SYT14: variants seen among roughly 807,000 people sequenced by gnomAD.
SYT14 encodes the protein synaptotagmin 14.
A neutral mutation model predicts 74.2 loss-of-function variants in SYT14; 32 were observed. The observed-to-expected ratio is 0.43, with a 90% CI of 0.33 to 0.58. The LOEUF (loss-of-function observed/expected upper bound fraction) is 0.58, where lower values mean the gene tolerates loss of function less well. SYT14 is among the 20% of genes least tolerant of loss of function. The pLI is 0.05. For missense variants in SYT14, 791 were observed against 981.8 expected (o/e 0.81, Z 2.60); for synonymous variants, 298 against 337.7 (o/e 0.88, Z 1.29).
At chr1:210,115,529 C>T (rs896792233) in intron 7 of SYT14, among the ~76,000 whole-genome samples, 5 of 151,196 alleles carry the variant, frequency 3.3e-5, no homozygotes, top group Admixed American at 1.3e-4. Context: ...TTACCAGCAC[C>T]GGAGTTTTGG....
intron 2 of SYT14, among the ~76,000 whole-genome samples, chr1:210,011,668 C>T (rs1031191334): frequency 5.9e-5 from 9 of 152,072 alleles, no homozygotes; most frequent in African/African-American, 9.7e-5. Context: ...CATCATTGAC[C>T]GGTTGTTGAC....
intron 2 of SYT14, among the ~76,000 whole-genome samples, chr1:210,011,701 A>C (rs1203439834): frequency 6.6e-6 from 1 of 152,230 alleles, no homozygotes; most frequent in Non-Finnish European, 1.5e-5. Flanking sequence ...AAATGAGTTA[A>C]GATACTATTT....
intron 5 of SYT14, among the ~76,000 whole-genome samples, chr1:210,087,845 C>T (rs754413541): frequency 7.2e-5 from 11 of 152,202 alleles, no homozygotes; most frequent in Non-Finnish European, 1.5e-4. Flanking sequence ...CTGTGGCTTC[C>T]TTTGCCACCA....
exon 10 of SYT14, chr1:210,170,763 A>G (rs2083516195): frequency 6.6e-6 from 1 of 152,170 alleles, no homozygotes; most frequent in South Asian, 2.1e-4. Context: ...GGATATATGT[A>G]CATGTTATTT....
At chr1:210,059,427 AATATATAT>A (rs374307953) in intron 5 of SYT14, among the ~76,000 whole-genome samples, 40 of 80,032 alleles carry the variant, frequency 5.0e-4, no homozygotes, top group South Asian at 1.9e-3. Flanking sequence ...GACAAGAAAG[AATATATAT>A]ATATATATAT....
At chr1:210,073,699 G>GT (rs996037709) in intron 5 of SYT14, among the ~76,000 whole-genome samples, 49 of 149,134 alleles carry the variant, frequency 3.3e-4, no homozygotes, top group Admixed American at 6.7e-4. Context: ...TTTTGTTTTT[G>GT]TTTTTTTTTG....
At chr1:210,022,273 C>T (rs968955442) in intron 5 of SYT14, among the ~76,000 whole-genome samples, 3 of 152,106 alleles carry the variant, frequency 2.0e-5, no homozygotes, top group Non-Finnish European at 1.5e-5. Context: ...ATTAGTGCAC[C>T]TCAATTCTTA....
intron 5 of SYT14, among the ~76,000 whole-genome samples, chr1:210,021,504 A>G (rs2080302806): frequency 6.6e-6 from 1 of 152,252 alleles, no homozygotes; most frequent in Non-Finnish European, 1.5e-5. Context: ...CTTATTTCAC[A>G]GTGAACATAT....
At chr1:210,140,230 A>C (rs2082886509) in intron 7 of SYT14, among the ~76,000 whole-genome samples, 1 of 152,138 alleles carries the variant, frequency 6.6e-6, no homozygotes. Flanking sequence ...GCATCTTTTC[A>C]TGTGCTTATT....
rs148747623 is a variant in SYT14 at position 209,948,693 on chromosome 1, T to G, written c.-533-4016T>G. On this transcript the variant is annotated intron_variant, in intron 1 of 9. Transcript: ENST00000637265. ...TACATTAAATATAATGTTCTATTTT[T>G]TTTTCTGACAATTAACTAGTGACCT... Among the ~76,000 whole-genome samples, 427 of 152,332 alleles carry G rather than the reference T, an allele frequency of 2.8e-3. 6 individuals carry two copies. Among genetic ancestry groups the G allele is most frequent in the African/African-American group, 9.9e-3 (412 of 41,580 alleles).
intron 7 of SYT14, 26 bp downstream of exon 6, chr1:210,100,487 A>G (rs1229113906): frequency 1.3e-6 from 2 of 1,598,900 alleles, no homozygotes; most frequent in Admixed American, 1.7e-5. Flanking sequence ...AATGGCCTGA[A>G]TACAGTTTAT....
intron 9 of SYT14, among the ~76,000 whole-genome samples, chr1:210,159,768 A>G (rs1169882891): frequency 6.6e-6 from 1 of 152,132 alleles, no homozygotes; most frequent in Non-Finnish European, 1.5e-5. Flanking sequence ...AAATATTGCA[A>G]TTTTCTTTAA....
In SYT14 at chr1:210,016,753, T is replaced by C. The variant is rs559127237; in HGVS notation, c.750T>C (p.His250=). The change falls in exon 4 of 10, where the codon CAT becomes CAC. Residue 250 remains histidine, a synonymous_variant. Coordinates refer to ENST00000637265, the Ensembl canonical transcript of SYT14. ...TGGGGCATTTCAATAAATGTAAACA[T>C]CTTCCCGATTTAGGGCATTCAGATC... The C allele has an allele frequency of 1.6e-4, 201 of 1,231,852 alleles. 2 individuals are homozygous for C. In the South Asian group the frequency reaches 7.6e-3, roughly 46 times the overall value. The allele number at this position is 1,231,852 out of a possible 1,614,324, so 76.3% of individuals were successfully genotyped here.
intron 5 of SYT14, among the ~76,000 whole-genome samples, chr1:210,053,260 A>G (rs770326758): frequency 5.3e-5 from 8 of 152,228 alleles, no homozygotes; most frequent in Non-Finnish European, 1.0e-4. Context: ...TGCTATGCAC[A>G]GAGATAGAAA....
chr1:210,075,057 G>T (rs1392189818), intron 5 of SYT14, among the ~76,000 whole-genome samples: 1 of 152,300 alleles, frequency 6.6e-6, no homozygotes, highest in Non-Finnish European at 1.5e-5. Flanking sequence ...CAGCAGATGG[G>T]ATAGCCAGAA....
At chr1:209,973,897 G>A (rs528856805) in intron 2 of SYT14, among the ~76,000 whole-genome samples, 11 of 152,204 alleles carry the variant, frequency 7.2e-5, no homozygotes, top group Middle Eastern at 3.4e-3. Flanking sequence ...TTTAATGATC[G>A]CCATTCTAAC....
chr1:210,030,172 C>T (rs1295951435), intron 5 of SYT14, among the ~76,000 whole-genome samples: 1 of 150,936 alleles, frequency 6.6e-6, no homozygotes, highest in Non-Finnish European at 1.5e-5. Context: ...AATGGAGTCT[C>T]GCTCTATTGC....
chr1:210,065,789 A>G (rs1434377499), intron 5 of SYT14, among the ~76,000 whole-genome samples: 1 of 151,810 alleles, frequency 6.6e-6, no homozygotes, highest in East Asian at 1.9e-4. Flanking sequence ...GGTTTGTTAC[A>G]TATGTATACA....
At chr1:209,974,688 A>G (rs918598718) in intron 2 of SYT14, among the ~76,000 whole-genome samples, 35 of 151,966 alleles carry the variant, frequency 2.3e-4, no homozygotes, top group Admixed American at 1.7e-3. Flanking sequence ...TTGACTTGGC[A>G]ATGCGGGCTC....
Sources: gnomAD v4.1 joint callset for allele counts (sites outside exome capture counted in the v4.1 genomes callset) on GRCh38, gnomAD v4.1.1 for gene constraint, MANE v1.5 for transcripts, NCBI Gene and HGNC (gene_info 2026-07-23, HGNC 2026-07-21) for gene names.